Variants in WWTR1 observed in about 807,000 individuals in gnomAD.
WWTR1 encodes the protein WW domain containing transcription regulator 1, also known as WW domain-containing transcription regulator protein 1.
In WWTR1, 13 loss-of-function variants were observed where a neutral mutation model predicts 40.1. The ratio of observed to expected loss-of-function variants is 0.32; its 90% CI spans 0.21 to 0.52. The LOEUF (loss-of-function observed/expected upper bound fraction) is 0.52, where lower values mean the gene tolerates loss of function less well. Among genes scored for constraint, WWTR1 ranks in the 20% least tolerant of loss-of-function variants. The pLI is 0.97. For synonymous variants in WWTR1, 230 were observed against 210.1 expected, an observed-to-expected ratio of 1.09 and a Z score of -0.82; for missense variants, 436 against 523.1, an observed-to-expected ratio of 0.83 and a Z score of 1.63.
chr3:149,669,503 G>C (rs1054225712), intron 2 of WWTR1, among the ~76,000 whole-genome samples: 3 of 152,118 alleles, frequency 2.0e-5, no homozygotes, highest in East Asian at 1.9e-4. Context: ...AGACAAACAA[G>C]GTCCCCAGTA....
chr3:149,618,713 G>A (rs1252208387), intron 2 of WWTR1, among the ~76,000 whole-genome samples: 2 of 152,184 alleles, frequency 1.3e-5, no homozygotes, highest in Non-Finnish European at 2.9e-5. Flanking sequence ...AGGCAGAGTC[G>A]AGACTTGAAC....
upstream of WWTR1, among the ~76,000 whole-genome samples, chr3:149,660,835 T>C (rs1284407430): frequency 6.6e-6 from 1 of 152,234 alleles, no homozygotes; most frequent in African/African-American, 2.4e-5. Context: ...CTCTATCTGC[T>C]ACATTATGCA....
In WWTR1 at chr3:149,520,908, G is replaced by C; in HGVS notation, c.1100C>G (p.Thr367Arg). ...FPDFLDCLPG[T>R]NVDLGTLESE... is the part of the protein sequence containing the mutation. ...TTCCAAAGTTCCTAAGTCAACGTTT[G>C]TTCCTGGAAGACAGTCAAGGAAATC... Residue 367 changes from threonine (T) to arginine (R), a missense_variant, in exon 7 of 7, where the codon ACA (threonine) becomes AGA (arginine). By Grantham distance (71) the Thr-to-Arg change is moderately conservative. Transcript: ENST00000360632. 6.2e-7 allele frequency: 1 copy of C among 1,613,648 alleles called. No individual in the cohort carries two copies. The highest frequency in any genetic ancestry group is 8.5e-7 in the Non-Finnish European group (1 of 1,179,830).
intron 2 of WWTR1, among the ~76,000 whole-genome samples, chr3:149,602,727 C>T (rs1739294604): frequency 6.6e-6 from 1 of 152,174 alleles, no homozygotes. Context: ...TGCAGTGGCA[C>T]GATCTCGGCT....
At chr3:149,711,820 G>C (rs913646016) in intron 5 of WWTR1, among the ~76,000 whole-genome samples, 3 of 152,174 alleles carry the variant, frequency 2.0e-5, no homozygotes, top group Non-Finnish European at 4.4e-5. Flanking sequence ...GCTCTCTTTA[G>C]AAAGCCTTCT....
chr3:149,573,114 T>A (rs1737723606), intron 2 of WWTR1, 114 bp from the exon 3 acceptor site: 1 of 1,166,080 alleles, frequency 8.6e-7, no homozygotes, highest in Non-Finnish European at 1.2e-6. Flanking sequence ...TCTGCTTGAG[T>A]GGTTGATAGA....
At chr3:149,608,388 AT>A (rs34313223) in intron 2 of WWTR1, among the ~76,000 whole-genome samples, 6,162 of 144,636 alleles carry the variant, frequency 0.043, 228 homozygotes, top group African/African-American at 0.098. Context: ...AAATATCTAA[AT>A]TTTTTTTTTT....
chr3:149,695,390 T>C (rs190189097), intron 1 of WWTR1, among the ~76,000 whole-genome samples: 88 of 152,330 alleles, frequency 5.8e-4, no homozygotes, highest in African/African-American at 2.1e-3. Context: ...TTGTTCATTG[T>C]ATGCCTGTAT....
At chr3:149,637,387 A>G (rs905625077) in intron 2 of WWTR1, among the ~76,000 whole-genome samples, 4 of 151,722 alleles carry the variant, frequency 2.6e-5, no homozygotes, top group Non-Finnish European at 5.9e-5. Context: ...CACCATGCCC[A>G]GCTAATTTTT....
chr3:149,646,785 T>A (rs1712558679), intron 2 of WWTR1, among the ~76,000 whole-genome samples: 1 of 152,224 alleles, frequency 6.6e-6, no homozygotes, highest in South Asian at 2.1e-4. Flanking sequence ...TATTTCTGAA[T>A]AAAGTGTTAA....
chr3:149,531,774 T>A (rs940755403), intron 4 of WWTR1, among the ~76,000 whole-genome samples: 1 of 152,184 alleles, frequency 6.6e-6, no homozygotes, highest in Non-Finnish European at 1.5e-5. Flanking sequence ...ATTCTCTGTC[T>A]TTCCTACTAG....
At chr3:149,685,743 T>G (rs907235137) in intron 1 of WWTR1, among the ~76,000 whole-genome samples, 10 of 152,218 alleles carry the variant, frequency 6.6e-5, no homozygotes, top group African/African-American at 2.4e-4. Flanking sequence ...TTCTTCACTC[T>G]CACTTCCTCT....
At chr3:149,631,625 A>G (rs185229805) in intron 2 of WWTR1, among the ~76,000 whole-genome samples, 1 of 152,306 alleles carries the variant, frequency 6.6e-6, no homozygotes, top group East Asian at 1.9e-4. Context: ...CTCCTTGCCT[A>G]TCCCACAAAG....
At chr3:149,530,474 G>A (rs1382883442) in intron 4 of WWTR1, among the ~76,000 whole-genome samples, 9 of 151,600 alleles carry the variant, frequency 5.9e-5, no homozygotes, top group Non-Finnish European at 1.0e-4. Context: ...CACATGAATT[G>A]TTATCTGTAA....
At chr3:149,569,079 T>G (rs1361529915) in intron 3 of WWTR1, among the ~76,000 whole-genome samples, 1 of 152,238 alleles carries the variant, frequency 6.6e-6, no homozygotes, top group South Asian at 2.1e-4. Context: ...AAAGCTCTTA[T>G]AAAAAATAAG....
intron 4 of WWTR1, among the ~76,000 whole-genome samples, chr3:149,539,422 C>T (rs951507430): frequency 4.6e-5 from 7 of 152,104 alleles, no homozygotes; most frequent in South Asian, 2.1e-4. Context: ...CCCAGACAGG[C>T]TCAGTTGGTA....
rs552527909 is a variant in WWTR1 at position 149,525,887 on chromosome 3, C to A, written c.1018+126G>T. The A allele has an allele frequency of 7.3e-6, 4 of 549,526 alleles. No homozygotes were observed. The South Asian group carries it at 1.5e-4, about 21-fold the overall frequency. The allele number at this position is 549,526 out of a possible 1,614,324, so 34.0% of individuals were successfully genotyped here. On this transcript the variant is annotated intron_variant, in intron 6 of 6. Coordinates refer to ENST00000360632, the MANE Select transcript of WWTR1 (RefSeq NM_015472.6). ...ACCATGTAGCAAACCTGCACATGTACCCCCAAATATAAAATAAAAGTTGAA... is the reference window on the plus strand; with the variant it reads ...ACCATGTAGCAAACCTGCACATGTAACCCCAAATATAAAATAAAAGTTGAA...
chr3:149,553,514 C>CA (rs879597745), intron 3 of WWTR1, among the ~76,000 whole-genome samples: 49 of 145,150 alleles, frequency 3.4e-4, no homozygotes, highest in South Asian at 4.4e-4. Context: ...TTCAATCCTC[C>CA]AAAAAAAAAA....
At chr3:149,695,173 G>A (rs1304259633) in intron 1 of WWTR1, among the ~76,000 whole-genome samples, 1 of 152,130 alleles carries the variant, frequency 6.6e-6, no homozygotes, top group Non-Finnish European at 1.5e-5. Context: ...AGATAGTGAA[G>A]GTGGATGCAA....
Sources: allele counts gnomAD v4.1 joint callset (sites outside exome capture counted in the v4.1 genomes callset), GRCh38; gene constraint gnomAD v4.1.1; transcripts MANE v1.5; gene names NCBI Gene and HGNC (gene_info 2026-07-23, HGNC 2026-07-21).